The following ZCCHC7 variants were observed in gnomAD, a reference collection of about 807,000 sequenced individuals.
ZCCHC7 encodes the protein zinc finger CCHC-type containing 7.
Under a neutral mutation model 52.0 loss-of-function variants are expected in ZCCHC7, and 35 were observed. The observed-to-expected ratio is 0.67, with a 90% CI of 0.51 to 0.89. The LOEUF (loss-of-function observed/expected upper bound fraction) is 0.89, where lower values mean the gene tolerates loss of function less well. Ranked by LOEUF, ZCCHC7 falls within the 40% of genes least tolerant of loss-of-function variation. ZCCHC7 has a pLI of 0.00. For missense variants in ZCCHC7, 574 were observed against 649.1 expected, an observed-to-expected ratio of 0.88 and a Z score of 1.26; for synonymous variants, 217 against 221.5, an observed-to-expected ratio of 0.98 and a Z score of 0.18.
At chr9:37,170,126 G>C (rs1379170064) in intron 2 of ZCCHC7, among the ~76,000 whole-genome samples, 1 of 151,418 alleles carries the variant, frequency 6.6e-6, no homozygotes, top group South Asian at 2.1e-4. Flanking sequence ...TTTAAAACAA[G>C]TTTGTTCTTT....
At chr9:37,254,470 C>G (rs1826476123) in intron 2 of ZCCHC7, among the ~76,000 whole-genome samples, 1 of 151,000 alleles carries the variant, frequency 6.6e-6, no homozygotes, top group Non-Finnish European at 1.5e-5. Context: ...CCCAGACTCC[C>G]ACAAAAAAAA....
At chr9:37,254,837 C>CTTTTTTTT (rs59489076) in intron 2 of ZCCHC7, among the ~76,000 whole-genome samples, 24,454 of 92,564 alleles carry the variant, frequency 0.26, 1,414 homozygotes, top group Non-Finnish European at 0.28. Context: ...CAAAAAGTTT[C>CTTTTTTTT]TTTTTTTTTT....
chr9:37,170,095 G>T (rs778192860), intron 2 of ZCCHC7, among the ~76,000 whole-genome samples: 15 of 151,426 alleles, frequency 9.9e-5, no homozygotes, highest in Non-Finnish European at 1.5e-5. Context: ...GAATAAAAAA[G>T]TCTACCCTAA....
Position 37,126,699 on chromosome 9 carries a change from C to T in ZCCHC7, c.367C>T (p.Leu123Phe). 6.2e-7 allele frequency: 1 copy of T among 1,614,124 alleles called. No homozygotes were observed. The highest frequency in any genetic ancestry group is 8.5e-7 in the Non-Finnish European group (1 of 1,180,018). The change falls in exon 2 of 9, where the codon CTT becomes TTT. Residue 123 changes from leucine (L) to phenylalanine (F), a missense_variant. Around this residue, in one of 3 missense-constraint regions of ZCCHC7, gnomAD observed 403 missense variants for 461.2 expected, o/e 0.87. Coordinates refer to ENST00000336755, the MANE Select transcript of ZCCHC7 (RefSeq NM_032226.3). ...AAATGCCCATGGTCTTTCTTCTTCTCTTCAATCTAATGAGCTGGTTGATAA... is the reference window on the plus strand; with the variant it reads ...AAATGCCCATGGTCTTTCTTCTTCTTTTCAATCTAATGAGCTGGTTGATAA... Reference protein sequence around the residue: ...QENAHGLSSSLQSNELVDKKC... With the variant: ...QENAHGLSSSFQSNELVDKKC...
chr9:37,204,793 CT>C (rs1453028893), intron 2 of ZCCHC7, among the ~76,000 whole-genome samples: 1 of 152,044 alleles, frequency 6.6e-6, no homozygotes, highest in African/African-American at 2.4e-5. Context: ...TATGTGGGCT[CT>C]TTTTTTGGCT....
At chr9:37,269,054 A>C (rs949638038) in intron 2 of ZCCHC7, among the ~76,000 whole-genome samples, 1 of 152,214 alleles carries the variant, frequency 6.6e-6, no homozygotes, top group African/African-American at 2.4e-5. Flanking sequence ...GAGTGTTTTG[A>C]TCCAAGGAAA....
intron 2 of ZCCHC7, among the ~76,000 whole-genome samples, chr9:37,202,690 C>T (rs1449574471): frequency 2.6e-5 from 4 of 152,104 alleles, no homozygotes; most frequent in Non-Finnish European, 5.9e-5. Flanking sequence ...CTATGTTGCC[C>T]AGGCTGATCT....
At chr9:37,338,436 A>T (rs1830781024) in intron 6 of ZCCHC7, among the ~76,000 whole-genome samples, 2 of 152,192 alleles carry the variant, frequency 1.3e-5, no homozygotes, top group East Asian at 1.9e-4. Context: ...GACTACATAA[A>T]ATGAAGACAT....
chr9:37,243,009 C>T (rs1020547995), intron 2 of ZCCHC7, among the ~76,000 whole-genome samples: 6 of 151,710 alleles, frequency 4.0e-5, no homozygotes, highest in African/African-American at 1.4e-4. Context: ...ACATAAGAAG[C>T]ACATTTATTT....
At chr9:37,333,990 T>G (rs1215952317) in intron 6 of ZCCHC7, 1 of 151,864 alleles carries the variant, frequency 6.6e-6, no homozygotes, top group Non-Finnish European at 1.5e-5. Context: ...TATAAACAAA[T>G]AGTCTTAGAT....
chr9:37,134,861 G>A (rs1286305529), intron 2 of ZCCHC7, among the ~76,000 whole-genome samples: 1 of 152,150 alleles, frequency 6.6e-6, no homozygotes, highest in South Asian at 2.1e-4. Context: ...GAGTAGCTAG[G>A]ATTACAGGCA....
chr9:37,195,091 C>T (rs955667851), intron 2 of ZCCHC7, among the ~76,000 whole-genome samples: 6 of 151,712 alleles, frequency 4.0e-5, no homozygotes, highest in African/African-American at 7.3e-5. Flanking sequence ...GGATTACAGG[C>T]GTGCACCACC....
chr9:37,199,686 GTCTTTCTGTCTGTCTT>G (rs762071029), intron 2 of ZCCHC7, among the ~76,000 whole-genome samples: 49,671 of 149,774 alleles, frequency 0.33, 8,494 homozygotes, highest in Middle Eastern at 0.42. Context: ...CTGTCTGTCT[GTCTTTCTGTCTGTCTT>G]TCTTTCTGTC....
chr9:37,355,769 T>G (rs1177845415), intron 8 of ZCCHC7, among the ~76,000 whole-genome samples: 1 of 152,214 alleles, frequency 6.6e-6, no homozygotes, highest in African/African-American at 2.4e-5. Flanking sequence ...AATCCTCATT[T>G]GGTTGAAAAA....
In ZCCHC7 at chr9:37,248,367, T is replaced by C. The variant is rs112893595; in HGVS notation, c.611-53821T>C. 4.1e-3 allele frequency among the ~76,000 whole-genome samples: 620 copies of C among 152,366 alleles called. 1 individual carries two copies. The highest frequency in any genetic ancestry group is 0.014 in the African/African-American group (594 of 41,586). On this transcript the variant is annotated intron_variant, in intron 2 of 8. Transcript: ENST00000336755. Reference sequence around the variant, plus strand: ...TAAGAATTAAAGTAATTTAAAATGGTAAATTAAAATGATGTTATTGCAGTT... The same window carrying C: ...TAAGAATTAAAGTAATTTAAAATGGCAAATTAAAATGATGTTATTGCAGTT...
In ZCCHC7 at chr9:37,302,051, T is replaced by C. The variant is rs545383581; in HGVS notation, c.611-137T>C. 1.2e-4 allele frequency: 86 copies of C among 692,194 alleles called. 1 individual carries two copies. The South Asian group carries it at 1.4e-3, about 12-fold the overall frequency. 42.9% of individuals were successfully genotyped at this position (692,194 alleles called of 1,614,324 possible). A position where few individuals can be genotyped will look rare whatever the true frequency, so the allele number is the denominator to read the frequency against. On this transcript the variant is annotated intron_variant, in intron 2 of 8. Coordinates refer to ENST00000336755, the MANE Select transcript of ZCCHC7 (RefSeq NM_032226.3). ...CACATAATTAATAACAGAGCCAAAATAGGAATTTCAGGTATTCAACATTTC... is the reference window on the plus strand; with the variant it reads ...CACATAATTAATAACAGAGCCAAAACAGGAATTTCAGGTATTCAACATTTC...
At chr9:37,307,302 C>T (rs1294125464) in intron 5 of ZCCHC7, among the ~76,000 whole-genome samples, 1 of 152,104 alleles carries the variant, frequency 6.6e-6, no homozygotes, top group Non-Finnish European at 1.5e-5. Flanking sequence ...TAGTTTTCTA[C>T]ATTCAGTTTA....
intron 2 of ZCCHC7, among the ~76,000 whole-genome samples, chr9:37,178,351 A>AC (rs1394782025): frequency 7.5e-5 from 10 of 132,654 alleles, no homozygotes; most frequent in Non-Finnish European, 1.6e-4. Flanking sequence ...TACCATTTGT[A>AC]CCCCCACCTC....
At chr9:37,304,367 G>A in intron 4 of ZCCHC7, 54 bp downstream of exon 4, 1 of 1,592,146 alleles carries the variant, frequency 6.3e-7, no homozygotes. Context: ...AAATCTCAAG[G>A]GTGAGGCTGG....
Sources: allele counts gnomAD v4.1 joint callset (sites outside exome capture counted in the v4.1 genomes callset), GRCh38; gene constraint gnomAD v4.1.1; regional missense constraint gnomAD v4.1.1; transcripts MANE v1.5; gene names NCBI Gene and HGNC (gene_info 2026-07-23, HGNC 2026-07-21).